MAP2K6: variants seen among roughly 807,000 people sequenced by gnomAD.
The protein encoded by MAP2K6 is dual specificity mitogen-activated protein kinase kinase 6.
MAP2K6 carries 16 observed loss-of-function variants against 53.7 expected under a neutral mutation model. The observed-to-expected ratio is 0.30, with a 90% CI of 0.20 to 0.45. The LOEUF (loss-of-function observed/expected upper bound fraction) is 0.45. MAP2K6 is among the 20% of genes least tolerant of loss of function. The probability of loss-of-function intolerance (pLI) is 1.00; values close to 1 mark genes in which losing one functional copy is unlikely to be tolerated. For missense variants in MAP2K6, 204 were observed against 411.9 expected (o/e 0.50, Z 4.37); for synonymous variants, 132 against 143.1 (o/e 0.92, Z 0.55).
intron 10 of MAP2K6, among the ~76,000 whole-genome samples, chr17:69,535,832 T>G (rs1376913088): frequency 6.6e-6 from 1 of 151,270 alleles, no homozygotes; most frequent in Non-Finnish European, 1.5e-5. Flanking sequence ...TGGCTATAGA[T>G]CAGAAAAATT....
intron 1 of MAP2K6, among the ~76,000 whole-genome samples, chr17:69,504,804 C>G (rs1057185615): frequency 6.6e-6 from 1 of 152,168 alleles, no homozygotes; most frequent in Non-Finnish European, 1.5e-5. Flanking sequence ...ATCAAGTTAC[C>G]TTTCCATTTG....
In MAP2K6 at chr17:69,479,178, G is replaced by A. The variant is rs577734841; in HGVS notation, c.17-26602G>A. On this transcript the variant is annotated intron_variant, in intron 1 of 11. Transcript: ENST00000590474. ...ATATCTAGAACAGGATGCATTCTGC[G>A]ATGAAAGAGATGACTACAATAGCTG... is the stretch of plus-strand genomic sequence containing the variant. 3.9e-5 allele frequency among the ~76,000 whole-genome samples: 6 copies of A among 152,196 alleles called. No individual in the cohort carries two copies. In the East Asian group the frequency reaches 9.6e-4, roughly 24 times the overall value.
chr17:69,423,829 C>T (rs1906175496), intron 1 of MAP2K6, among the ~76,000 whole-genome samples: 1 of 152,206 alleles, frequency 6.6e-6, no homozygotes. Context: ...TGAGACTCTT[C>T]ATCCTCCCCT....
At chr17:69,423,149 C>T (rs1288955758) in intron 1 of MAP2K6, among the ~76,000 whole-genome samples, 1 of 152,144 alleles carries the variant, frequency 6.6e-6, no homozygotes, top group Non-Finnish European at 1.5e-5. Context: ...TCCCAAAGTG[C>T]TGGGATTACA....
intron 1 of MAP2K6, among the ~76,000 whole-genome samples, chr17:69,477,705 TTACCTGACTATTCTAAA>T (rs1346916992): frequency 6.6e-6 from 1 of 152,222 alleles, no homozygotes; most frequent in Non-Finnish European, 1.5e-5. Context: ...TTTGGTTTAT[TTACCTGACTATTCTAAA>T]GTTCAGTTTC....
rs765241098 is a variant in MAP2K6, at chr17:69,543,136, A to T, written c.*1383A>T. The T allele has an allele frequency of 5.9e-5, 9 of 152,230 alleles. No homozygotes were observed. Among genetic ancestry groups the T allele is most frequent in the Non-Finnish European group, 1.0e-4 (7 of 68,042 alleles). The allele number at this position is 152,230 out of a possible 1,614,324, so 9.4% of individuals were successfully genotyped here. A position where few individuals can be genotyped will look rare whatever the true frequency, so the allele number is the denominator to read the frequency against. On this transcript the variant is annotated 3_prime_UTR_variant, in exon 12 of 12. Coordinates refer to ENST00000590474, the MANE Select transcript of MAP2K6 (RefSeq NM_002758.4). ...ATTTGTAGCTCTAGGTTTCTTGATG[A>T]TCAAGGAGTGAAGTAATTGACAGGG...
At chr17:69,525,908 A>G (rs776619062) in intron 9 of MAP2K6, among the ~76,000 whole-genome samples, 7 of 152,226 alleles carry the variant, frequency 4.6e-5, no homozygotes, top group Non-Finnish European at 7.3e-5. Context: ...ATTTATTCAT[A>G]ACTTATTCAT....
intron 1 of MAP2K6, among the ~76,000 whole-genome samples, chr17:69,491,759 C>T (rs1245727040): frequency 1.3e-4 from 8 of 63,986 alleles, no homozygotes; most frequent in South Asian, 5.8e-4. Flanking sequence ...TTATTATTCA[C>T]TTTTGAATAA....
intron 11 of MAP2K6, among the ~76,000 whole-genome samples, chr17:69,539,019 A>G (rs1911489161): frequency 6.6e-6 from 1 of 152,212 alleles, no homozygotes; most frequent in African/African-American, 2.4e-5. Context: ...CCTCTGGGTC[A>G]TAGGTAGCTG....
rs965542771 is a variant in MAP2K6 at position 69,543,404 on chromosome 17, C to G, written c.*1651C>G. ...TTGTTCTTGACAAGGAGGAGTTGCT[C>G]CTGCCCAGAATGAGCGTGACACTTC... On this transcript the variant is annotated 3_prime_UTR_variant, in exon 12 of 12. Coordinates refer to ENST00000590474, the MANE Select transcript of MAP2K6 (RefSeq NM_002758.4). 6.6e-6 allele frequency: 1 copy of G among 152,020 alleles called. No homozygotes were observed. Among genetic ancestry groups the G allele is most frequent in the South Asian group, 2.1e-4 (1 of 4,814 alleles). The allele number at this position is 152,020 out of a possible 1,614,324, so 9.4% of individuals were successfully genotyped here. A position where few individuals can be genotyped will look rare whatever the true frequency, so the allele number is the denominator to read the frequency against.
At chr17:69,472,583 A>C (rs1908016881) in intron 1 of MAP2K6, among the ~76,000 whole-genome samples, 1 of 152,066 alleles carries the variant, frequency 6.6e-6, no homozygotes, top group Admixed American at 6.5e-5. Flanking sequence ...GGGTGGGTGC[A>C]CCCTGAGACG....
chr17:69,521,241 T>A lies in MAP2K6; in HGVS notation c.535+141T>A, dbSNP rs1030428346. 4.6e-5 allele frequency: 29 copies of A among 628,660 alleles called. No individual in the cohort carries two copies. The Admixed American group carries it at 4.6e-4, about 10-fold the overall frequency. The allele number at this position is 628,660 out of a possible 1,614,324, so 38.9% of individuals were successfully genotyped here. A position where few individuals can be genotyped will look rare whatever the true frequency, so the allele number is the denominator to read the frequency against. On this transcript the variant is annotated intron_variant, in intron 7 of 11. Coordinates refer to ENST00000590474, the MANE Select transcript of MAP2K6 (RefSeq NM_002758.4). ...GAACTAAGGGGCTTTCCTTTGAGAT[T>A]GGATAGCAAACCATATAAGTAGTAT...
intron 1 of MAP2K6, among the ~76,000 whole-genome samples, chr17:69,445,506 A>G (rs1028399422): frequency 5.9e-5 from 9 of 152,256 alleles, no homozygotes; most frequent in African/African-American, 2.2e-4. Context: ...TTTGGTTCAT[A>G]TTAAAAAGTT....
intron 1 of MAP2K6, among the ~76,000 whole-genome samples, chr17:69,453,491 T>C (rs773512709): frequency 6.6e-6 from 1 of 152,244 alleles, no homozygotes. Context: ...TAGGTTCGAC[T>C]GTAAGACTGA....
At chr17:69,523,896 C>G (rs2144829740) in intron 8 of MAP2K6, among the ~76,000 whole-genome samples, 1 of 152,322 alleles carries the variant, frequency 6.6e-6, no homozygotes, top group East Asian at 1.9e-4. Flanking sequence ...AAATTTATCT[C>G]TCACAGTTTT....
rs1035216803 is a variant in MAP2K6, at chr17:69,546,118, T to C, written c.*4365T>C. On this transcript the variant is annotated 3_prime_UTR_variant, in exon 12 of 12. Transcript: ENST00000590474. ...GTACATAATTTGGGGACCACAGATATCTATTATGCCAATGTTTGCACTGTC... is the reference window on the plus strand; with the variant it reads ...GTACATAATTTGGGGACCACAGATACCTATTATGCCAATGTTTGCACTGTC... 2 of 152,160 alleles carry C rather than the reference T, an allele frequency of 1.3e-5. No individual in the cohort carries two copies. Among genetic ancestry groups the C allele is most frequent in the African/African-American group, 4.8e-5 (2 of 41,428 alleles). 9.4% of individuals were successfully genotyped at this position (152,160 alleles called of 1,614,324 possible). A position where few individuals can be genotyped will look rare whatever the true frequency, so the allele number is the denominator to read the frequency against.
intron 1 of MAP2K6, among the ~76,000 whole-genome samples, chr17:69,476,544 C>T (rs76856896): frequency 0.015 from 2,311 of 152,288 alleles, 28 homozygotes; most frequent in Non-Finnish European, 0.021. Flanking sequence ...TGACATATAT[C>T]GATCCCTGGG....
intron 1 of MAP2K6, among the ~76,000 whole-genome samples, chr17:69,503,954 A>C (rs1909315227): frequency 6.6e-6 from 1 of 152,154 alleles, no homozygotes; most frequent in African/African-American, 2.4e-5. Context: ...GGGTATTTTA[A>C]AACTCAAAAT....
intron 2 of MAP2K6, among the ~76,000 whole-genome samples, chr17:69,514,462 T>A (rs933433698): frequency 4.6e-5 from 7 of 152,224 alleles, no homozygotes; most frequent in Admixed American, 6.5e-5. Context: ...TATAAGAAAC[T>A]TTAAGTATTC....
Sources: gnomAD v4.1 joint callset for allele counts (sites outside exome capture counted in the v4.1 genomes callset) on GRCh38, gnomAD v4.1.1 for gene constraint, MANE v1.5 for transcripts, NCBI Gene and HGNC (gene_info 2026-07-23, HGNC 2026-07-21) for gene names.